The following COL1A1 variants were observed in gnomAD, a reference collection of about 807,000 sequenced individuals.
The protein encoded by COL1A1 is collagen type I alpha 1 chain.
In COL1A1, 21 loss-of-function variants were observed where a neutral mutation model predicts 195.7. The observed-to-expected ratio is 0.11, with a 90% CI of 0.08 to 0.15. COL1A1 has a LOEUF of 0.15. Ranked by LOEUF, COL1A1 falls within the 10% of genes least tolerant of loss-of-function variation. The pLI, the probability that COL1A1 is intolerant of heterozygous loss-of-function variation, is 1.00. For synonymous variants in COL1A1, 749 were observed against 747.3 expected (o/e 1.00, Z -0.04); for missense variants, 1,365 against 2,051.0 (o/e 0.67, Z 6.46).
Position 50,196,210 on chromosome 17 carries a change from G to C in COL1A1, c.958-11C>G, listed in dbSNP as rs1429745221. 6.2e-7 allele frequency: 1 copy of C among 1,614,044 alleles called. No homozygotes were observed. The highest frequency in any genetic ancestry group is 8.5e-7 in the Non-Finnish European group (1 of 1,179,972). ...ATTTCCACGAGCACCCTGCAGGAGA[G>C]AGGGGAAGCCCCGTTAAGTCCACTG... On this transcript the variant is annotated splice_polypyrimidine_tract_variant and intron_variant, in intron 14 of 50. Transcript: ENST00000225964.
rs201920224 is a variant in COL1A1, at chr17:50,186,053, C to T, written c.4006-33G>A. ...GGAGGGGAGAGAGGGAAGAGTGAGC[C>T]GCTATGCGGGAACCTCTAGTCCTGC... On this transcript the variant is annotated intron_variant, in intron 49 of 50. Coordinates refer to ENST00000225964, the MANE Select transcript of COL1A1 (RefSeq NM_000088.4). This position sits in a 1 kb window ranked among gnomAD's most constrained non-coding sequence, Gnocchi z 5.3. The T allele has an allele frequency of 3.5e-4, 562 of 1,608,800 alleles. 2 individuals are homozygous for T. In the African/African-American group the frequency reaches 5.8e-3, roughly 17 times the overall value.
chr17:50,200,001 A>T, intron 1 of COL1A1, 54 bp from the exon 2 acceptor site: 1 of 1,578,468 alleles, frequency 6.3e-7, no homozygotes, highest in Non-Finnish European at 8.7e-7. Flanking sequence ...CCCCAGCTTA[A>T]CCACCTTTCC....
Position 50,186,721 on chromosome 17 carries a change from T to A in COL1A1, c.3733A>T (p.Ile1245Phe), listed in dbSNP as rs199514372. 49 of 1,613,772 alleles carry A rather than the reference T, an allele frequency of 3.0e-5. No individual in the cohort carries two copies. Among genetic ancestry groups the A allele is most frequent in the Non-Finnish European group, 4.2e-5 (49 of 1,180,030 alleles). Residue 1245 changes from isoleucine to phenylalanine, a missense_variant, in exon 48 of 51, where the codon ATC becomes TTC. By Grantham distance (21) the Ile-to-Phe change is conservative. Coordinates refer to ENST00000225964, the MANE Select transcript of COL1A1 (RefSeq NM_000088.4). The surrounding 1 kb of genome is among the most constrained non-coding windows in gnomAD (Gnocchi z 5.3). The stretch of plus-strand genomic sequence containing the variant: ...TTGCGGCTGCCCTCTGGGCTCCGGA[T>A]GTTCTCGATCTGCTGGCTCAGGCTC... ...LKSLSQQIEN[I>F]RSPEGSRKNP...
In COL1A1 at chr17:50,196,511, A is replaced by G. The variant is rs778523177; in HGVS notation, c.876T>C (p.Pro292=). The change falls in exon 13 of 51, where the codon CCT becomes CCC. Residue 292 remains proline, a synonymous_variant. Transcript: ENST00000225964. ...PAGPKGEPGS[P]GENGAPGQMG... is the part of the protein sequence containing the mutation. The stretch of plus-strand genomic sequence containing the variant: ...TCTGACCAGGAGCTCCATTTTCACC[A>G]GGGCTGCCAGGCTCACCCTGTAGAT... 1.3e-5 allele frequency: 21 copies of G among 1,614,066 alleles called. No individual in the cohort carries two copies. In the African/African-American group the frequency reaches 1.9e-4, roughly 14 times the overall value.
rs779767483 is a variant in COL1A1 at position 50,186,919 on chromosome 17, G to C, written c.3535C>G (p.Pro1179Ala). The C allele has an allele frequency of 6.2e-7, 1 of 1,613,782 alleles. No individual in the cohort carries two copies. Among genetic ancestry groups the C allele is most frequent in the South Asian group, 1.1e-5 (1 of 91,082 alleles). Residue 1179 changes from proline (P) to alanine (A), a missense_variant, in exon 48 of 51, where the codon CCC (proline) becomes GCC (alanine). Physicochemically the swap from Pro to Ala is conservative, Grantham distance 27 (BLOSUM62 -1). Coordinates refer to ENST00000225964, the MANE Select transcript of COL1A1 (RefSeq NM_000088.4). The surrounding 1 kb of genome is among the most constrained non-coding windows in gnomAD (Gnocchi z 5.3). ...CCAGGAGGTCCAGGAGGGCCGGGGGGACCCTGCACAGAGAGGGAAGAGAGT... is the reference window on the plus strand; with the variant it reads ...CCAGGAGGTCCAGGAGGGCCGGGGGCACCCTGCACAGAGAGGGAAGAGAGT... ...GRTGDAGPVG[P>A]PGPPGPPGPP...
rs1906949641 is a variant in COL1A1, at chr17:50,190,145, A to T, written c.2452-37T>A. The T allele has an allele frequency of 6.4e-7, 1 of 1,569,434 alleles. No homozygotes were observed. Among genetic ancestry groups the T allele is most frequent in the Non-Finnish European group, 8.8e-7 (1 of 1,139,770 alleles). On this transcript the variant is annotated intron_variant, in intron 35 of 50. Transcript: ENST00000225964. The surrounding 1 kb of genome is among the most constrained non-coding windows in gnomAD (Gnocchi z 4.7). Reference sequence around the variant, plus strand: ...AGCAGGGCGGTGAATGGAGGGAAGGAGGCAGGAGTTTCCACTACCTGGGGG... The same window carrying T: ...AGCAGGGCGGTGAATGGAGGGAAGGTGGCAGGAGTTTCCACTACCTGGGGG...
intron 7 of COL1A1, 46 bp from the exon 8 acceptor site, chr17:50,198,048 A>T: frequency 6.2e-7 from 1 of 1,610,110 alleles, no homozygotes; most frequent in Non-Finnish European, 8.5e-7. Context: ...GTCCCTGTCA[A>T]CCTTCTCCAA....
In COL1A1 at chr17:50,195,817, A is replaced by G; in HGVS notation, c.1056+106T>C. 1 of 1,406,552 alleles carries G rather than the reference A, an allele frequency of 7.1e-7. No individual in the cohort carries two copies. The highest frequency in any genetic ancestry group is 2.5e-5 in the East Asian group (1 of 40,298). 87.1% of individuals were successfully genotyped at this position (1,406,552 alleles called of 1,614,324 possible). On this transcript the variant is annotated intron_variant, in intron 16 of 50. Coordinates refer to ENST00000225964, the MANE Select transcript of COL1A1 (RefSeq NM_000088.4). The surrounding 1 kb of genome is among the most constrained non-coding windows in gnomAD (Gnocchi z 4.3). ...GAACCCAGGACAAAGGTGTTAGTGA[A>G]CGGGCTGCTCTCTTGCCACTCTGGG...
chr17:50,185,118 C>T lies in COL1A1; in HGVS notation c.*384G>A. 1 of 293,738 alleles carries T rather than the reference C, an allele frequency of 3.4e-6. No homozygotes were observed. The highest frequency in any genetic ancestry group is 6.2e-5 in the South Asian group (1 of 16,048). The allele number at this position is 293,738 out of a possible 1,614,324, so 18.2% of individuals were successfully genotyped here. A position where few individuals can be genotyped will look rare whatever the true frequency, so the allele number is the denominator to read the frequency against. On this transcript the variant is annotated 3_prime_UTR_variant, in exon 51 of 51. Transcript: ENST00000225964. ...TTTGGGAAGGAGTGGAGGGGAGGCC[C>T]CAAGGGGGGTGTGGAGAAAGGAGCA...
rs982079455 is a variant in COL1A1 at position 50,191,766 on chromosome 17, G to A, written c.2127+22C>T. 3.8e-6 allele frequency: 6 copies of A among 1,558,818 alleles called. No homozygotes were observed. The East Asian group carries it at 7.2e-5, about 19-fold the overall frequency. Reference sequence around the variant, plus strand: ...CCTGGTCCCTGGGCCACTTGCCAGAGCCCCTTCCACGCTGCCCTCACCTTA... The same window carrying A: ...CCTGGTCCCTGGGCCACTTGCCAGAACCCCTTCCACGCTGCCCTCACCTTA... On this transcript the variant is annotated intron_variant, in intron 31 of 50. Transcript: ENST00000225964.
chr17:50,187,682 G>A (rs1906675246), intron 45 of COL1A1, 145 bp from the exon 46 acceptor site: 3 of 993,326 alleles, frequency 3.0e-6, no homozygotes, highest in African/African-American at 3.2e-5. Flanking sequence ...CATAGGCAGA[G>A]ACCTCTCCCA....
At chr17:50,200,295 T>A in intron 1 of COL1A1, 1 of 373,416 alleles carries the variant, frequency 2.7e-6, no homozygotes, top group Non-Finnish European at 5.2e-6. Context: ...AGGGGCCCCA[T>A]CGGGAGGGCA....
At chr17:50,196,754 T>C (rs1598298808) in intron 11 of COL1A1, 84 bp from the exon 12 acceptor site, 1 of 1,468,858 alleles carries the variant, frequency 6.8e-7, no homozygotes. Flanking sequence ...AGAAAGAGCC[T>C]TGGGAGGTCA....
chr17:50,193,396 G>A, intron 25 of COL1A1: 1 of 412,892 alleles, frequency 2.4e-6, no homozygotes, highest in East Asian at 4.7e-5. Flanking sequence ...GTGTCGGGGT[G>A]GAGGGCCACC....
Position 50,201,593 on chromosome 17 carries a change from T to A in COL1A1, c.-80A>T. On this transcript the variant is annotated 5_prime_UTR_variant, in exon 1 of 51. Coordinates refer to ENST00000225964, the MANE Select transcript of COL1A1 (RefSeq NM_000088.4). ...CTCATGCGTGGCCTCACACTCCGCG[T>A]GCCTCCTGCTCCGACCCCGAGGAGA... The A allele has an allele frequency of 1.5e-6, 2 of 1,310,118 alleles. No individual in the cohort carries two copies. 81.2% of individuals were successfully genotyped at this position (1,310,118 alleles called of 1,614,324 possible).
chr17:50,190,273 C>T lies in COL1A1; in HGVS notation c.2451+54G>A, dbSNP rs920695626. 2.3e-5 allele frequency: 32 copies of T among 1,382,150 alleles called. No homozygotes were observed. Among genetic ancestry groups the T allele is most frequent in the Non-Finnish European group, 3.1e-5 (30 of 968,774 alleles). 85.6% of individuals were successfully genotyped at this position (1,382,150 alleles called of 1,614,324 possible). A position where few individuals can be genotyped will look rare whatever the true frequency, so the allele number is the denominator to read the frequency against. On this transcript the variant is annotated intron_variant, in intron 35 of 50. Coordinates refer to ENST00000225964, the MANE Select transcript of COL1A1 (RefSeq NM_000088.4). The surrounding 1 kb of genome is among the most constrained non-coding windows in gnomAD (Gnocchi z 4.7). ...ACGCCTTTGTCCTCATTCCGTCCCT[C>T]GAGGTCCCAGGTCCCAGTCGGTGAT...
In COL1A1 at chr17:50,199,610, G is replaced by C. The variant is rs2256835; in HGVS notation, c.299-20C>G. ...GTGACTCTAGGGGACGAAGAGACGC[G>C]CGTTAGAGCCAAGGTTTGCTAATGC... On this transcript the variant is annotated intron_variant, in intron 2 of 50. Transcript: ENST00000225964. The C allele has an allele frequency of 0.65, 1,048,598 of 1,613,412 alleles. 347,931 individuals are homozygous for C. Among genetic ancestry groups the C allele is most frequent in the Non-Finnish European group, 0.68 (801,755 of 1,179,688 alleles).
At position 50,190,200 on chromosome 17, in the gene COL1A1, T is replaced by C. The variant is rs964012057; in HGVS notation, c.2452-92A>G. 7 of 1,299,368 alleles carry C rather than the reference T, an allele frequency of 5.4e-6. No homozygotes were observed. The highest frequency in any genetic ancestry group is 7.8e-6 in the Non-Finnish European group (7 of 894,644). 80.5% of individuals were successfully genotyped at this position (1,299,368 alleles called of 1,614,324 possible). A position where few individuals can be genotyped will look rare whatever the true frequency, so the allele number is the denominator to read the frequency against. On this transcript the variant is annotated intron_variant, in intron 35 of 50. Transcript: ENST00000225964. This position sits in a 1 kb window ranked among gnomAD's most constrained non-coding sequence, Gnocchi z 4.7. ...GCAGTAATGGAGGCAGGAAGATGCT[T>C]GGGTGGGAAACAATCCCGTCTCCAC...
Position 50,191,452 on chromosome 17 carries a change from G to A in COL1A1, c.2166C>T (p.Gly722=), listed in dbSNP as rs200188855. Residue 722 remains glycine (G), a synonymous_variant, in exon 32 of 51, where the codon GGC becomes GGT. Transcript: ENST00000225964. The part of the protein sequence containing the change: ...AGAPGAPGSQ[G]APGLQGMPGE... ...CAGGCATTCCCTGAAGGCCAGGGGC[G>A]CCCTGGCTACCGGGAGCTCCAGGGG... 7.4e-5 allele frequency: 119 copies of A among 1,613,856 alleles called. No homozygotes were observed. Among genetic ancestry groups the A allele is most frequent in the Admixed American group, 1.5e-4 (9 of 59,990 alleles).
Sources: gnomAD v4.1 joint callset for allele counts on GRCh38, gnomAD v4.1.1 for gene constraint, Gnocchi (gnomAD v3.1) non-coding constraint, MANE v1.5 for transcripts, NCBI Gene and HGNC (gene_info 2026-07-23, HGNC 2026-07-21) for gene names.